Variants in PCNX2 observed in about 807,000 individuals in gnomAD.
PCNX2 encodes the protein pecanex-like protein 2.
In PCNX2, 168 loss-of-function variants were observed where a neutral mutation model predicts 223.8. That is an observed-to-expected ratio of 0.75 (90% CI 0.66 to 0.85). The LOEUF (loss-of-function observed/expected upper bound fraction) is 0.85. Among genes scored for constraint, PCNX2 ranks in the 40% least tolerant of loss-of-function variants. PCNX2 has a pLI of 0.00. For synonymous variants in PCNX2, 1,006 were observed against 1,052.6 expected, an observed-to-expected ratio of 0.96 and a Z score of 0.86; for missense variants, 2,507 against 2,675.5, an observed-to-expected ratio of 0.94 and a Z score of 1.39.
chr1:233,067,181 G>A (rs1376984492), intron 23 of PCNX2, among the ~76,000 whole-genome samples: 3 of 151,584 alleles, frequency 2.0e-5, no homozygotes, highest in Non-Finnish European at 2.9e-5. Context: ...AATGTCCAGA[G>A]TTGAATAGAA....
At chr1:233,009,242 G>A (rs1053459550) in intron 28 of PCNX2, among the ~76,000 whole-genome samples, 3 of 152,154 alleles carry the variant, frequency 2.0e-5, no homozygotes, top group Admixed American at 6.5e-5. Context: ...AGTGGGCACC[G>A]CTGTAAGTGT....
chr1:233,320,350 C>CGTGTGTGT, the PCNX2 span, among the ~76,000 whole-genome samples: 2 of 149,806 alleles, frequency 1.3e-5, no homozygotes, highest in African/African-American at 4.9e-5. Flanking sequence ...TACATACATT[C>CGTGTGTGT]GTGTGTGTGT....
At chr1:233,289,351 T>C in intron 1 of PCNX2, 1 of 1,138,798 alleles carries the variant, frequency 8.8e-7, no homozygotes, top group Non-Finnish European at 1.3e-6. Context: ...AGGTCCAAGT[T>C]CATCTCCAGC....
At chr1:233,095,966 T>C in intron 21 of PCNX2, 103 bp from the exon 22 acceptor site, 1 of 747,040 alleles carries the variant, frequency 1.3e-6, no homozygotes, top group Non-Finnish European at 2.2e-6. Flanking sequence ...GAAGGGGCAG[T>C]GAAACTACTC....
At chr1:233,223,828 T>C (rs1307242855) in intron 10 of PCNX2, among the ~76,000 whole-genome samples, 1 of 152,206 alleles carries the variant, frequency 6.6e-6, no homozygotes, top group Non-Finnish European at 1.5e-5. Context: ...TTAGTTTAGT[T>C]TGAGAAGCAT....
intron 28 of PCNX2, among the ~76,000 whole-genome samples, chr1:233,013,832 G>C (rs1670558328): frequency 6.6e-6 from 1 of 152,114 alleles, no homozygotes; most frequent in African/African-American, 2.4e-5. Context: ...TGATGGAATT[G>C]ATTAAATATC....
In PCNX2 at chr1:233,025,270, C is replaced by T. The variant is rs1671042848; in HGVS notation, c.4481G>A (p.Trp1494Ter). Residue 1494 changes from tryptophan (W) to a stop codon, truncating the protein, a stop_gained, in exon 26 of 34, where the codon TGG (tryptophan) becomes TAG (stop). Transcript: ENST00000258229. LOFTEE classifies it high-confidence loss of function. ...GGTCTGCGTGATTTCCCAGGTGAGCCAGCGGAGGTGAAAGGCAGCGTTGCA... is the reference window on the plus strand; with the variant it reads ...GGTCTGCGTGATTTCCCAGGTGAGCTAGCGGAGGTGAAAGGCAGCGTTGCA... ...LSCNAAFHLR[W>*]LTWEITQTQY... is the part of the protein sequence containing the mutation. 6.2e-7 allele frequency: 1 copy of T among 1,613,906 alleles called. No individual in the cohort carries two copies. The highest frequency in any genetic ancestry group is 1.3e-5 in the African/African-American group (1 of 74,934).
intron 21 of PCNX2, among the ~76,000 whole-genome samples, chr1:233,118,083 T>A (rs957963410): frequency 1.3e-5 from 2 of 152,088 alleles, no homozygotes; most frequent in Non-Finnish European, 2.9e-5. Flanking sequence ...TTGGTTTAAT[T>A]TTCAAAAATC....
chr1:233,321,914 G>A, the PCNX2 span, among the ~76,000 whole-genome samples: 1 of 152,124 alleles, frequency 6.6e-6, no homozygotes, highest in African/African-American at 2.4e-5. Context: ...CTAGAATTAG[G>A]AAAACAGTTT....
chr1:233,095,871 TA>T lies in PCNX2; in HGVS notation c.3838-9del. 1 of 1,579,940 alleles carries T rather than the reference TA, an allele frequency of 6.3e-7. No homozygotes were observed. The highest frequency in any genetic ancestry group is 8.6e-7 in the Non-Finnish European group (1 of 1,158,776). On this transcript the variant is annotated splice_polypyrimidine_tract_variant and intron_variant, in intron 21 of 33. Coordinates refer to ENST00000258229, the MANE Select transcript of PCNX2 (RefSeq NM_014801.4). ...GTGAAGCAGGTCCCCGAGCTGAAAG[TA>T]AAAGAAAAAAAATTCATCAGAGAGG...
Position 232,986,474 on chromosome 1 carries a change from A to G in PCNX2, c.5858T>C (p.Leu1953Pro), listed in dbSNP as rs778132128. 1.9e-6 allele frequency: 3 copies of G among 1,599,784 alleles called. No homozygotes were observed. Among genetic ancestry groups the G allele is most frequent in the African/African-American group, 2.7e-5 (2 of 74,670 alleles). ...CTCTAAGATGGGGCCAGATGAGCTC[A>G]GCATGGGCGGCCTTTGGCTTAGCGC... ...HSALSQRPPM[L>P]SSSGPILESR... is the part of the protein sequence containing the mutation. The change falls in exon 33 of 34, where the codon CTG (leucine) becomes CCG (proline). Residue 1953 changes from leucine (L) to proline (P), a missense_variant. Physicochemically the swap from Leu to Pro is moderately conservative, Grantham distance 98 (BLOSUM62 -3). Coordinates refer to ENST00000258229, the MANE Select transcript of PCNX2 (RefSeq NM_014801.4).
chr1:233,014,748 G>C lies in PCNX2; in HGVS notation c.4869C>G (p.Asp1623Glu), dbSNP rs1339915443. 6.2e-7 allele frequency: 1 copy of C among 1,613,860 alleles called. No homozygotes were observed. The highest frequency in any genetic ancestry group is 8.5e-7 in the Non-Finnish European group (1 of 1,179,894). ...EPSTTLDSDE[D>E]SPLVTLSFAL... ...CGAAGGACAGAGTCACCAAGGGAGA[G>C]TCCTCGTCACTGTCCAGGGTCGTTG... Residue 1623 changes from aspartate (D) to glutamate (E), a missense_variant, in exon 28 of 34, where the codon GAC (aspartate) becomes GAG (glutamate). Asp to Glu is a conservative substitution (Grantham distance 45). This residue lies in a region of PCNX2 where 1,372 missense variants were observed against 1,509.4 expected (regional missense o/e 0.91). Transcript: ENST00000258229.
At chr1:233,027,391 A>AT (rs1345133497) in intron 25 of PCNX2, among the ~76,000 whole-genome samples, 2 of 152,162 alleles carry the variant, frequency 1.3e-5, no homozygotes, top group Non-Finnish European at 2.9e-5. Flanking sequence ...TTTTGACTTT[A>AT]TTATCTTTCT....
At position 233,236,724 on chromosome 1, in the gene PCNX2, C is replaced by A. The variant is rs771227290; in HGVS notation, c.2358+121G>T. The A allele has an allele frequency of 2.1e-6, 3 of 1,415,890 alleles. No individual in the cohort carries two copies. The South Asian group carries it at 4.1e-5, about 19-fold the overall frequency. The allele number at this position is 1,415,890 out of a possible 1,614,324, so 87.7% of individuals were successfully genotyped here. A position where few individuals can be genotyped will look rare whatever the true frequency, so the allele number is the denominator to read the frequency against. On this transcript the variant is annotated intron_variant, in intron 9 of 33. Transcript: ENST00000258229. ...TGCCTTGCAGTGATATATCAACAAC[C>A]CGTGATGCAAAATTCAGGGAAAGAG... is the stretch of plus-strand genomic sequence containing the variant.
chr1:233,104,803 GCA>G (rs200161748), intron 21 of PCNX2, among the ~76,000 whole-genome samples: 1 of 146,508 alleles, frequency 6.8e-6, no homozygotes, highest in Non-Finnish European at 1.5e-5. Flanking sequence ...TTAATATCAT[GCA>G]CAGTTTTACA....
chr1:233,315,339 G>A, the PCNX2 span, among the ~76,000 whole-genome samples: 1 of 152,170 alleles, frequency 6.6e-6, no homozygotes, highest in South Asian at 2.1e-4. Context: ...TACGCTTCAT[G>A]CATTAACAAA....
chr1:233,124,798 G>C (rs1176379585), intron 21 of PCNX2, among the ~76,000 whole-genome samples: 1 of 152,212 alleles, frequency 6.6e-6, no homozygotes, highest in Non-Finnish European at 1.5e-5. Context: ...ATTCCTGCAA[G>C]GGCAGTAGAC....
rs750647974 is a variant in PCNX2 at position 233,258,788 on chromosome 1, G to C, written c.1074C>G (p.Leu358=). The part of the protein sequence containing the change: ...DSSDSEVAVT[L]IDTSQPGDPL... ...GGTCTCCGGGTTGAGAAGTATCGAT[G>C]AGAGTAACAGCTACCTCACTATCTG... The change falls in exon 5 of 34, where the codon CTC becomes CTG. Residue 358 remains leucine, a synonymous_variant. Coordinates refer to ENST00000258229, the MANE Select transcript of PCNX2 (RefSeq NM_014801.4). 3.7e-6 allele frequency: 6 copies of C among 1,613,722 alleles called. No individual in the cohort carries two copies. In the African/African-American group the frequency reaches 6.7e-5, roughly 18 times the overall value.
At chr1:233,033,154 A>G in intron 25 of PCNX2, 1 of 985,076 alleles carries the variant, frequency 1.0e-6, no homozygotes, top group Non-Finnish European at 1.2e-6. Flanking sequence ...ATTGAAACTG[A>G]CTCTTGGCAC....
Sources: gnomAD v4.1 joint callset for allele counts (sites outside exome capture counted in the v4.1 genomes callset) on GRCh38, gnomAD v4.1.1 for gene constraint, gnomAD v4.1.1 regional missense constraint, MANE v1.5 for transcripts, NCBI Gene and HGNC (gene_info 2026-07-23, HGNC 2026-07-21) for gene names.